Variants in KMT2C observed in about 807,000 individuals in gnomAD.
The protein encoded by KMT2C is histone-lysine N-methyltransferase 2C.
In KMT2C, 88 loss-of-function variants were observed where a neutral mutation model predicts 507.9. That is an observed-to-expected ratio of 0.17 (90% CI 0.15 to 0.21). KMT2C has a LOEUF of 0.21. Ranked by LOEUF, KMT2C falls within the 10% of genes least tolerant of loss-of-function variation. KMT2C has a pLI of 1.00. For synonymous variants in KMT2C, 2,049 were observed against 2,080.8 expected (o/e 0.98, Z 0.42); for missense variants, 4,954 against 5,957.8 (o/e 0.83, Z 5.55).
At chr7:152,194,929 C>G (rs2093919203) in intron 28 of KMT2C, among the ~76,000 whole-genome samples, 1 of 150,780 alleles carries the variant, frequency 6.6e-6, no homozygotes, top group Admixed American at 6.6e-5. Flanking sequence ...ATAGTGTTAT[C>G]AAATGTACAG....
Position 152,233,555 on chromosome 7 carries a change from AG to A in KMT2C, c.2769+2261del, listed in dbSNP as rs749712549. ...AGAAAGGGGAAAGAAAATAGACAAA[AG>A]TCCATGAAAACAAAGGCTGACTCAA... On this transcript the variant is annotated intron_variant, in intron 16 of 58. Transcript: ENST00000262189. Among the ~76,000 whole-genome samples, 7 of 152,332 alleles carry A rather than the reference AG, an allele frequency of 4.6e-5. No individual in the cohort carries two copies. The East Asian group carries it at 9.6e-4, about 21-fold the overall frequency.
At chr7:152,193,983 T>C (rs1563339451) in intron 31 of KMT2C, 26 bp downstream of exon 31, 1 of 1,504,536 alleles carries the variant, frequency 6.6e-7, no homozygotes, top group East Asian at 2.4e-5. Context: ...GTGAATATAA[T>C]GTAGAATTAT....
At chr7:152,334,744 C>T (rs1267672779) in intron 2 of KMT2C, among the ~76,000 whole-genome samples, 1 of 152,218 alleles carries the variant, frequency 6.6e-6, no homozygotes, top group Non-Finnish European at 1.5e-5. Flanking sequence ...AGGCGCAATG[C>T]TCCAGGTGAT....
At chr7:152,183,579 T>C (rs1056908890) in intron 34 of KMT2C, among the ~76,000 whole-genome samples, 1 of 151,792 alleles carries the variant, frequency 6.6e-6, no homozygotes, top group Admixed American at 6.6e-5. Context: ...CTGACCAACA[T>C]GGTGAAACCC....
chr7:152,222,381 A>C (rs1281797095), intron 21 of KMT2C, among the ~76,000 whole-genome samples, 192 bp downstream of exon 21: 1 of 152,224 alleles, frequency 6.6e-6, no homozygotes, highest in Non-Finnish European at 1.5e-5. Flanking sequence ...TTATTGTTTC[A>C]TGTAAATTGT....
Position 152,330,691 on chromosome 7 carries a change from T to C in KMT2C, c.299A>G (p.Asn100Ser), listed in dbSNP as rs2096874135. 1.2e-6 allele frequency: 2 copies of C among 1,613,932 alleles called. No individual in the cohort carries two copies. The highest frequency in any genetic ancestry group is 1.7e-6 in the Non-Finnish European group (2 of 1,179,804). The change falls in exon 3 of 59, where the codon AAC (asparagine) becomes AGC (serine). Residue 100 changes from asparagine to serine, a missense_variant. Around this residue, in one of 29 missense-constraint regions of KMT2C, gnomAD observed 233 missense variants for 263.6 expected, o/e 0.88. Transcript: ENST00000262189. ...AEEDAEAEVD[N>S]SKQLIPTLQR... ...AAGAGTTGGAATTAGCTGTTTGCTG[T>C]TATCCACTTCTGCTTCAGCATCCTC...
intron 23 of KMT2C, among the ~76,000 whole-genome samples, chr7:152,212,905 C>T (rs1386016113): frequency 2.0e-5 from 3 of 152,112 alleles, no homozygotes; most frequent in Admixed American, 6.5e-5. Flanking sequence ...GCCAGGCAGG[C>T]GTGGTGGCAG....
At chr7:152,186,856 G>C (rs915959344) in intron 33 of KMT2C, among the ~76,000 whole-genome samples, 16 of 152,086 alleles carry the variant, frequency 1.1e-4, no homozygotes, top group African/African-American at 3.9e-4. Flanking sequence ...GTCAGGGAAA[G>C]TGAGAGGGGA....
intron 18 of KMT2C, among the ~76,000 whole-genome samples, chr7:152,225,088 A>G (rs187890265): frequency 1.9e-4 from 29 of 152,318 alleles, no homozygotes; most frequent in Middle Eastern, 3.4e-3. Context: ...TATTTAGACT[A>G]TGAAGCTAGG....
At chr7:152,142,955 G>A (rs769031607) in intron 55 of KMT2C, among the ~76,000 whole-genome samples, 12 of 152,190 alleles carry the variant, frequency 7.9e-5, no homozygotes, top group African/African-American at 1.2e-4. Flanking sequence ...ACAGATGGGA[G>A]GGTGGCAGGA....
intron 18 of KMT2C, among the ~76,000 whole-genome samples, chr7:152,226,364 C>G (rs2094933639): frequency 6.6e-6 from 1 of 151,274 alleles, no homozygotes. Flanking sequence ...TCCTGAGTAA[C>G]TAGGACTACA....
chr7:152,199,387 C>T lies in KMT2C; in HGVS notation c.4165G>A (p.Asp1389Asn), dbSNP rs778505720. The T allele has an allele frequency of 1.2e-6, 2 of 1,601,388 alleles. No individual in the cohort carries two copies. Among genetic ancestry groups the T allele is most frequent in the African/African-American group, 1.3e-5 (1 of 74,108 alleles). ...SKISLDNLSE[D>N]GAQLLYKTNM... Reference sequence around the variant, plus strand: ...GTTTTATATAAAAGCTGAGCTCCATCTTCTGACAGATTATCTAAACTTATC... The same window carrying T: ...GTTTTATATAAAAGCTGAGCTCCATTTTCTGACAGATTATCTAAACTTATC... Residue 1389 changes from aspartate (D) to asparagine (N), a missense_variant, in exon 27 of 59, where the codon GAT becomes AAT. Asp to Asn is a conservative substitution (Grantham distance 23). This residue lies in a region of KMT2C where 140 missense variants were observed against 118.4 expected (regional missense o/e 1.18). Transcript: ENST00000262189.
chr7:152,314,913 A>G (rs1370789650), intron 4 of KMT2C, among the ~76,000 whole-genome samples: 2 of 152,098 alleles, frequency 1.3e-5, no homozygotes, highest in African/African-American at 4.8e-5. Flanking sequence ...CCGCTTTCAT[A>G]TACAATTAAT....
At chr7:152,240,863 C>T (rs560280836) in intron 14 of KMT2C, among the ~76,000 whole-genome samples, 38 of 152,326 alleles carry the variant, frequency 2.5e-4, no homozygotes, top group African/African-American at 8.9e-4. Flanking sequence ...TAACCTGCTA[C>T]AAGAGTCTAC....
intron 55 of KMT2C, among the ~76,000 whole-genome samples, chr7:152,143,150 A>G (rs1020230702): frequency 6.6e-6 from 1 of 152,242 alleles, no homozygotes; most frequent in Non-Finnish European, 1.5e-5. Context: ...GGGGAAAGCT[A>G]GAACTGGAAG....
rs2097176014 is a variant in KMT2C at position 152,359,246 on chromosome 7, G to GT, written c.162-572dup. 2.1e-5 allele frequency among the ~76,000 whole-genome samples: 3 copies of GT among 145,476 alleles called. No individual in the cohort carries two copies. The South Asian group carries it at 6.8e-4, about 33-fold the overall frequency. On this transcript the variant is annotated intron_variant, in intron 1 of 58. Coordinates refer to ENST00000262189, the MANE Select transcript of KMT2C (RefSeq NM_170606.3). ...AACACTTCAGGAAAGTAAAATAAAGGTAAGAGTCACAGCAAGGTGAAATTC... is the reference window on the plus strand; with the variant it reads ...AACACTTCAGGAAAGTAAAATAAAGGTTAAGAGTCACAGCAAGGTGAAATTC...
intron 1 of KMT2C, among the ~76,000 whole-genome samples, chr7:152,387,554 T>C: frequency 6.7e-6 from 1 of 150,258 alleles, no homozygotes; most frequent in Admixed American, 6.7e-5. Context: ...CGCTGCAAGC[T>C]CTGCCTCCCG....
chr7:152,286,203 T>G (rs1251585794), intron 6 of KMT2C, among the ~76,000 whole-genome samples: 5 of 136,688 alleles, frequency 3.7e-5, no homozygotes, highest in African/African-American at 1.4e-4. Flanking sequence ...TTCATGTAAT[T>G]AGAGTTACAG....
chr7:152,148,321 C>A lies in KMT2C; in HGVS notation c.13606G>T (p.Ala4536Ser), dbSNP rs758068302. Residue 4536 changes from alanine to serine, a missense_variant, in exon 52 of 59, where the codon GCT (alanine) becomes TCT (serine). Ala to Ser is a moderately conservative substitution (Grantham distance 99, BLOSUM62 1). Coordinates refer to ENST00000262189, the MANE Select transcript of KMT2C (RefSeq NM_170606.3). The surrounding 1 kb of genome is among the most constrained non-coding windows in gnomAD (Gnocchi z 7.1). Reference sequence around the variant, plus strand: ...CGTTCTCCTCGTTGCACGATGCTAGCAATCTGTCGCACCTCATCACGCTGA... The same window carrying A: ...CGTTCTCCTCGTTGCACGATGCTAGAAATCTGTCGCACCTCATCACGCTGA... The part of the protein sequence containing the change: ...YVQRDEVRQI[A>S]SIVQRGERDH... The A allele has an allele frequency of 6.2e-7, 1 of 1,614,266 alleles. No individual in the cohort carries two copies. Among genetic ancestry groups the A allele is most frequent in the South Asian group, 1.1e-5 (1 of 91,086 alleles).
Sources: allele counts gnomAD v4.1 joint callset (sites outside exome capture counted in the v4.1 genomes callset), GRCh38; gene constraint gnomAD v4.1.1; regional missense constraint gnomAD v4.1.1; non-coding constraint Gnocchi (gnomAD v3.1); transcripts MANE v1.5; gene names NCBI Gene and HGNC (gene_info 2026-07-23, HGNC 2026-07-21).